ZBTB37: variants seen among roughly 807,000 people sequenced by gnomAD.
ZBTB37 encodes the protein zinc finger and BTB domain-containing protein 37.
ZBTB37 carries 15 observed loss-of-function variants against 37.7 expected under a neutral mutation model. The observed-to-expected ratio is 0.40, with a 90% CI of 0.27 to 0.61. ZBTB37 has a LOEUF of 0.61. Ranked by LOEUF, ZBTB37 falls within the 20% of genes least tolerant of loss-of-function variation. ZBTB37 has a pLI of 0.44. For synonymous variants in ZBTB37, 231 were observed against 220.6 expected (o/e 1.05, Z -0.42); for missense variants, 514 against 641.9 (o/e 0.80, Z 2.15).
At chr1:173,874,118 G>A (rs1037134153) in intron 4 of ZBTB37, among the ~76,000 whole-genome samples, 1 of 151,782 alleles carries the variant, frequency 6.6e-6, no homozygotes, top group African/African-American at 2.4e-5. Flanking sequence ...ACCCAGGCAT[G>A]GTGGCACGTG....
intron 4 of ZBTB37, among the ~76,000 whole-genome samples, chr1:173,877,118 C>T (rs904476070): frequency 6.6e-6 from 1 of 152,014 alleles, no homozygotes; most frequent in Non-Finnish European, 1.5e-5. Flanking sequence ...GTATTATAAT[C>T]GTATGGAAGC....
At chr1:173,877,469 C>T (rs1217922016) in intron 4 of ZBTB37, among the ~76,000 whole-genome samples, 3 of 146,348 alleles carry the variant, frequency 2.0e-5, no homozygotes, top group Non-Finnish European at 3.0e-5. Context: ...GCAGCCTTGC[C>T]TTCCCTGGCT....
chr1:173,887,877 G>C (rs1656691383), downstream of ZBTB37: 1 of 152,168 alleles, frequency 6.6e-6, no homozygotes, highest in African/African-American at 2.4e-5. Flanking sequence ...TATGTGAAAA[G>C]GTGGGTAGAA....
exon 3 of ZBTB37, chr1:173,870,450 G>T (rs1446536611): frequency 6.2e-7 from 1 of 1,614,098 alleles, no homozygotes; most frequent in Non-Finnish European, 8.5e-7. Flanking sequence ...CAGTCATCAA[G>T]AACCCTACTG....
At chr1:173,868,566 C>T (rs936460389) in intron 1 of ZBTB37, among the ~76,000 whole-genome samples, 161 bp downstream of exon 1, 8 of 152,212 alleles carry the variant, frequency 5.3e-5, no homozygotes, top group African/African-American at 1.4e-4. Flanking sequence ...ACCCCCTTGG[C>T]CCCCGGCCGG....
intron 4 of ZBTB37, among the ~76,000 whole-genome samples, chr1:173,874,439 C>T (rs886410596): frequency 1.3e-5 from 2 of 151,598 alleles, no homozygotes; most frequent in Non-Finnish European, 2.9e-5. Context: ...CAAGCTCCAC[C>T]TCCCGGGTTC....
exon 4 of ZBTB37, chr1:173,893,132 G>C (rs77072392): frequency 0.11 from 16,772 of 152,204 alleles, 1,255 homozygotes; most frequent in South Asian, 0.17. Flanking sequence ...TGAACTCCTG[G>C]CCTCAATTGA....
exon 4 of ZBTB37, chr1:173,897,788 G>T (rs889331058): frequency 3.9e-5 from 6 of 152,176 alleles, no homozygotes; most frequent in South Asian, 2.1e-4. Context: ...CTGAGCACTT[G>T]GCTGAAGAAA....
intron 4 of ZBTB37, among the ~76,000 whole-genome samples, chr1:173,875,307 T>A (rs967460610): frequency 6.9e-6 from 1 of 145,444 alleles, no homozygotes; most frequent in African/African-American, 2.6e-5. Context: ...TATTTATATA[T>A]ATATGTGTGC....
chr1:173,870,843 G>C (rs543918792), exon 3 of ZBTB37: 7 of 1,614,232 alleles, frequency 4.3e-6, no homozygotes, highest in African/African-American at 2.7e-5. Context: ...CTGATGTAGA[G>C]AGCCGGGAGC....
chr1:173,888,864 A>G (rs935043053), downstream of ZBTB37: 6 of 152,226 alleles, frequency 3.9e-5, no homozygotes, highest in African/African-American at 9.6e-5. Context: ...GCATTTGTCA[A>G]TTCTCCTTCC....
chr1:173,882,462 G>A (rs1040819904), intron 4 of ZBTB37, among the ~76,000 whole-genome samples: 2 of 151,854 alleles, frequency 1.3e-5, no homozygotes, highest in African/African-American at 2.4e-5. Flanking sequence ...GGATGGTCTC[G>A]ATCTGCTGAC....
At chr1:173,896,547 T>C (rs1159700082) in exon 4 of ZBTB37, 1 of 152,238 alleles carries the variant, frequency 6.6e-6, no homozygotes, top group Non-Finnish European at 1.5e-5. Context: ...TAAATAATTC[T>C]TAAATGTGGT....
downstream of ZBTB37, chr1:173,888,566 A>G (rs2102754709): frequency 6.6e-6 from 1 of 151,934 alleles, no homozygotes; most frequent in Non-Finnish European, 1.5e-5. Flanking sequence ...AGCTAGGACT[A>G]TAGGCATGCA....
chr1:173,894,552 T>C (rs1656970641), exon 4 of ZBTB37: 1 of 152,222 alleles, frequency 6.6e-6, no homozygotes, highest in Non-Finnish European at 1.5e-5. Context: ...TCAGATTTAC[T>C]ACGAGGACAG....
intron 2 of ZBTB37, among the ~76,000 whole-genome samples, 162 bp from the exon 3 acceptor site, chr1:173,870,014 GTGAAACTTAAACTGAAAAACCTGT>G (rs2102711454): frequency 6.6e-6 from 1 of 152,246 alleles, no homozygotes; most frequent in African/African-American, 2.4e-5. Flanking sequence ...ATGTCCTCCT[GTGAAACTTAAACTGAAAAACCTGT>G]TGGTGATTCT....
chr1:173,869,273 C>T (rs1208079924), intron 2 of ZBTB37, among the ~76,000 whole-genome samples, 153 bp downstream of exon 2: 2 of 152,122 alleles, frequency 1.3e-5, no homozygotes, highest in South Asian at 2.1e-4. Flanking sequence ...GATAAGTGAA[C>T]GCACATTGGG....
chr1:173,881,054 G>A (rs1380988337), intron 4 of ZBTB37, among the ~76,000 whole-genome samples: 5 of 151,404 alleles, frequency 3.3e-5, no homozygotes, highest in Admixed American at 6.6e-5. Context: ...TGCTGCACCC[G>A]TTAACTTGTC....
At chr1:173,870,933 A>C (rs750587381) in exon 3 of ZBTB37, 10 of 1,614,206 alleles carry the variant, frequency 6.2e-6, no homozygotes, top group South Asian at 1.1e-5. Context: ...GTGATGATGA[A>C]GTTAGAGTTC....
Sources: allele counts gnomAD v4.1 joint callset (sites outside exome capture counted in the v4.1 genomes callset), GRCh38; gene constraint gnomAD v4.1.1; transcripts MANE v1.5; gene names NCBI Gene and HGNC (gene_info 2026-07-23, HGNC 2026-07-21).